The following LINGO2 variants were observed in gnomAD, a reference collection of about 807,000 sequenced individuals.
LINGO2 encodes leucine rich repeat and Ig domain containing 2.
In LINGO2, 14 loss-of-function variants were observed where a neutral mutation model predicts 30.6. The observed-to-expected ratio is 0.46, with a 90% CI of 0.30 to 0.72. The LOEUF (loss-of-function observed/expected upper bound fraction) is 0.72, where lower values mean the gene tolerates loss of function less well. Among genes scored for constraint, LINGO2 ranks in the 30% least tolerant of loss-of-function variants. The pLI is 0.07. For synonymous variants in LINGO2, 317 were observed against 288.5 expected, an observed-to-expected ratio of 1.10 and a Z score of -1.00; for missense variants, 729 against 751.7, an observed-to-expected ratio of 0.97 and a Z score of 0.35.
chr9:28,461,479 T>C (rs1403040811), intron 2 of LINGO2, among the ~76,000 whole-genome samples: 1 of 152,228 alleles, frequency 6.6e-6, no homozygotes, highest in Non-Finnish European at 1.5e-5. Flanking sequence ...GTTGGGCATG[T>C]ATTATTTTTT....
At chr9:29,169,179 C>A in the LINGO2 span, among the ~76,000 whole-genome samples, 3 of 152,176 alleles carry the variant, frequency 2.0e-5, no homozygotes, top group Admixed American at 2.0e-4. Context: ...AACTCCTGAC[C>A]TCAGGTGATC....
At chr9:29,192,297 T>G in the LINGO2 span, among the ~76,000 whole-genome samples, 1 of 152,214 alleles carries the variant, frequency 6.6e-6, no homozygotes, top group Non-Finnish European at 1.5e-5. Flanking sequence ...AACTTGCTAA[T>G]AAATATGAAA....
At chr9:28,105,528 G>A (rs1586996049) in intron 4 of LINGO2, among the ~76,000 whole-genome samples, 1 of 152,262 alleles carries the variant, frequency 6.6e-6, no homozygotes, top group South Asian at 2.1e-4. Context: ...GTGATTAAAT[G>A]TAGGAAAAAA....
intron 2 of LINGO2, among the ~76,000 whole-genome samples, chr9:28,470,679 C>T (rs987684891): frequency 6.6e-6 from 1 of 152,006 alleles, no homozygotes; most frequent in Non-Finnish European, 1.5e-5. Flanking sequence ...CGCCATTCAG[C>T]TGTGATTCTA....
the LINGO2 span, among the ~76,000 whole-genome samples, chr9:28,837,326 C>A: frequency 6.6e-6 from 1 of 151,894 alleles, no homozygotes; most frequent in Non-Finnish European, 1.5e-5. Context: ...GGACTGGTTT[C>A]CTAATTAGAG....
the LINGO2 span, among the ~76,000 whole-genome samples, chr9:28,686,101 A>G: frequency 6.6e-6 from 1 of 151,960 alleles, no homozygotes; most frequent in Non-Finnish European, 1.5e-5. Context: ...CTGCCCAGAT[A>G]TGGGGCAGAA....
the LINGO2 span, among the ~76,000 whole-genome samples, chr9:28,875,313 G>T: frequency 6.6e-6 from 1 of 151,918 alleles, no homozygotes; most frequent in Admixed American, 6.6e-5. Flanking sequence ...GTGCATGTCT[G>T]GGTTTGTGTA....
chr9:28,881,354 C>T, the LINGO2 span, among the ~76,000 whole-genome samples: 1 of 152,016 alleles, frequency 6.6e-6, no homozygotes, highest in Non-Finnish European at 1.5e-5. Context: ...GAACCCCTGA[C>T]CTCAAGTGAT....
intron 3 of LINGO2, among the ~76,000 whole-genome samples, chr9:28,364,892 T>C (rs1033528514): frequency 6.6e-6 from 1 of 152,232 alleles, no homozygotes; most frequent in African/African-American, 2.4e-5. Flanking sequence ...CATATTTATT[T>C]CATTCATTCA....
chr9:28,220,426 C>A (rs1169082122), intron 4 of LINGO2, among the ~76,000 whole-genome samples: 1 of 151,982 alleles, frequency 6.6e-6, no homozygotes, highest in African/African-American at 2.4e-5. Context: ...TCCTGGGTAC[C>A]AGGAGCACAC....
intron 2 of LINGO2, among the ~76,000 whole-genome samples, chr9:28,414,067 T>C (rs1013930530): frequency 4.6e-5 from 7 of 152,048 alleles, no homozygotes; most frequent in African/African-American, 1.7e-4. Flanking sequence ...CAGCAGCTTG[T>C]TTTTTAAAAA....
chr9:29,188,077 A>G, the LINGO2 span, among the ~76,000 whole-genome samples: 1 of 122,320 alleles, frequency 8.2e-6, no homozygotes, highest in Admixed American at 1.0e-4. Flanking sequence ...GGGGGATTTG[A>G]CAGGGTCATA....
chr9:28,897,694 T>A, the LINGO2 span, among the ~76,000 whole-genome samples: 1 of 152,104 alleles, frequency 6.6e-6, no homozygotes, highest in Non-Finnish European at 1.5e-5. Flanking sequence ...ATTGTATCTA[T>A]ATCACAGGGG....
chr9:28,661,450 T>C (rs1038586616), intron 1 of LINGO2, among the ~76,000 whole-genome samples: 2 of 152,108 alleles, frequency 1.3e-5, no homozygotes, highest in Admixed American at 6.6e-5. Flanking sequence ...GACCGGCCCA[T>C]TGACAATAAA....
At chr9:28,084,883 G>A (rs1373874363) in intron 4 of LINGO2, among the ~76,000 whole-genome samples, 1 of 152,132 alleles carries the variant, frequency 6.6e-6, no homozygotes, top group Non-Finnish European at 1.5e-5. Context: ...TTTGAAATGG[G>A]TGAGGGCCCT....
intron 1 of LINGO2, among the ~76,000 whole-genome samples, chr9:28,627,405 C>G (rs77995796): frequency 0.08 from 12,085 of 151,998 alleles, 668 homozygotes; most frequent in Admixed American, 0.2. Flanking sequence ...TTTGGGAGTT[C>G]TTTCCTTACT....
chr9:28,473,602 T>A (rs1335355861), intron 2 of LINGO2, among the ~76,000 whole-genome samples: 1 of 152,098 alleles, frequency 6.6e-6, no homozygotes, highest in African/African-American at 2.4e-5. Flanking sequence ...GTAATCACTT[T>A]TTCTGTAGAT....
chr9:28,504,946 T>G (rs1247906420), intron 1 of LINGO2, among the ~76,000 whole-genome samples: 1 of 151,752 alleles, frequency 6.6e-6, no homozygotes, highest in Non-Finnish European at 1.5e-5. Context: ...GAAAATGGCA[T>G]GAGCATAATA....
At chr9:28,280,395 TGAAAA>T (rs1290300673) in intron 4 of LINGO2, among the ~76,000 whole-genome samples, 1 of 152,074 alleles carries the variant, frequency 6.6e-6, no homozygotes, top group Non-Finnish European at 1.5e-5. Flanking sequence ...AATACAAACA[TGAAAA>T]GAAATTGAAG....
Sources: gnomAD v4.1 joint callset for allele counts (sites outside exome capture counted in the v4.1 genomes callset) on GRCh38, gnomAD v4.1.1 for gene constraint, MANE v1.5 for transcripts, NCBI Gene and HGNC (gene_info 2026-07-23, HGNC 2026-07-21) for gene names.